KCNIP4: variants seen among roughly 807,000 people sequenced by gnomAD.
The protein encoded by KCNIP4 is Kv channel-interacting protein 4.
A neutral mutation model predicts 34.0 loss-of-function variants in KCNIP4; 12 were observed. That is an observed-to-expected ratio of 0.35 (90% CI 0.23 to 0.57). The LOEUF (loss-of-function observed/expected upper bound fraction) is 0.57, where lower values mean the gene tolerates loss of function less well. Among genes scored for constraint, KCNIP4 ranks in the 20% least tolerant of loss-of-function variants. The probability of loss-of-function intolerance (pLI) is 0.83; values close to 1 mark genes in which losing one functional copy is unlikely to be tolerated. For synonymous variants in KCNIP4, 124 were observed against 102.2 expected, an observed-to-expected ratio of 1.21 and a Z score of -1.29; for missense variants, 238 against 311.7, an observed-to-expected ratio of 0.76 and a Z score of 1.78.
intron 1 of KCNIP4, among the ~76,000 whole-genome samples, chr4:21,795,810 G>A (rs1179113996): frequency 6.6e-6 from 1 of 152,164 alleles, no homozygotes; most frequent in Non-Finnish European, 1.5e-5. Flanking sequence ...GCTCACGCCT[G>A]TAATCCCAGC....
intron 1 of KCNIP4, among the ~76,000 whole-genome samples, chr4:21,242,163 C>CAAAAAAAAAAAAAAAAAAAAAA (rs11436478): frequency 1.8e-5 from 1 of 55,778 alleles, no homozygotes; most frequent in Non-Finnish European, 3.8e-5. Flanking sequence ...AATTCTGTCT[C>CAAAAAAAAAAAAAAAAAAAAAA]AAAAAAAAAA....
chr4:21,511,506 T>G (rs533630191), intron 1 of KCNIP4, among the ~76,000 whole-genome samples: 1 of 152,310 alleles, frequency 6.6e-6, no homozygotes, highest in South Asian at 2.1e-4. Flanking sequence ...CAAAGAAAAT[T>G]GGAAAGATCT....
chr4:21,482,860 A>C (rs1731556961), intron 1 of KCNIP4, among the ~76,000 whole-genome samples: 2 of 152,004 alleles, frequency 1.3e-5, no homozygotes, highest in African/African-American at 4.8e-5. Flanking sequence ...TGTTGGCCTG[A>C]CTTGCTAGAT....
At chr4:20,742,041 G>A (rs1751246267) in intron 5 of KCNIP4, among the ~76,000 whole-genome samples, 2 of 152,114 alleles carry the variant, frequency 1.3e-5, no homozygotes, top group African/African-American at 2.4e-5. Context: ...TCCCTGAATA[G>A]ACCAATAACA....
chr4:20,839,684 A>G (rs1719494868), intron 3 of KCNIP4, among the ~76,000 whole-genome samples: 1 of 152,104 alleles, frequency 6.6e-6, no homozygotes, highest in Non-Finnish European at 1.5e-5. Context: ...AGCAATAACA[A>G]TAATAGCAGC....
In KCNIP4 at chr4:21,186,783, T is replaced by G. The variant is rs184720494; in HGVS notation, c.62-304074A>C. Among the ~76,000 whole-genome samples the G allele has an allele frequency of 4.6e-5, 7 of 152,312 alleles. No homozygotes were observed. In the East Asian group the frequency reaches 1.4e-3, roughly 29 times the overall value. The stretch of plus-strand genomic sequence containing the variant: ...CCTCAGTCTCCCAAGTAGCTGGGAC[T>G]ACAGGCATATGCCACCATGTCCAGT... On this transcript the variant is annotated intron_variant, in intron 1 of 8. Transcript: ENST00000382152.
chr4:21,274,643 CTAAATA>C (rs1297619238), intron 1 of KCNIP4, among the ~76,000 whole-genome samples: 1 of 152,140 alleles, frequency 6.6e-6, no homozygotes, highest in Non-Finnish European at 1.5e-5. Context: ...TTGCATTTCC[CTAAATA>C]CTGTGAATAA....
At chr4:21,370,383 C>T (rs1401093775) in intron 1 of KCNIP4, among the ~76,000 whole-genome samples, 5 of 146,670 alleles carry the variant, frequency 3.4e-5, no homozygotes, top group Admixed American at 6.6e-5. Context: ...AGGTGCATGG[C>T]TGTAAAACAT....
At chr4:21,234,246 A>C (rs868453937) in intron 1 of KCNIP4, among the ~76,000 whole-genome samples, 1 of 118,962 alleles carries the variant, frequency 8.4e-6, no homozygotes, top group Non-Finnish European at 1.6e-5. Flanking sequence ...TATATATAAC[A>C]TATATTATAT....
At chr4:21,741,259 G>T (rs563319528) in intron 1 of KCNIP4, among the ~76,000 whole-genome samples, 1 of 152,272 alleles carries the variant, frequency 6.6e-6, no homozygotes, top group African/African-American at 2.4e-5. Context: ...TAATATTCTA[G>T]GTTTCTATGA....
intron 5 of KCNIP4, among the ~76,000 whole-genome samples, chr4:20,735,001 G>T (rs576164380): frequency 6.6e-6 from 1 of 152,206 alleles, no homozygotes; most frequent in East Asian, 1.9e-4. Context: ...ACAGCTAGAG[G>T]CTTGAGTATA....
At chr4:21,357,782 C>A (rs537488515) in intron 1 of KCNIP4, among the ~76,000 whole-genome samples, 3 of 152,130 alleles carry the variant, frequency 2.0e-5, no homozygotes, top group Non-Finnish European at 4.4e-5. Context: ...GGATAAAGAA[C>A]TAGAAATACC....
intron 1 of KCNIP4, among the ~76,000 whole-genome samples, chr4:20,922,903 G>C (rs1729544927): frequency 6.6e-6 from 1 of 151,964 alleles, no homozygotes; most frequent in African/African-American, 2.4e-5. Flanking sequence ...CCCCTCCACT[G>C]TCTCTAAAAA....
chr4:20,939,044 C>A (rs948990760), intron 1 of KCNIP4, among the ~76,000 whole-genome samples: 1 of 152,170 alleles, frequency 6.6e-6, no homozygotes, highest in Admixed American at 6.5e-5. Flanking sequence ...TTCAGTGACT[C>A]ATTTTTCACA....
chr4:21,599,853 T>C (rs1203052537), intron 1 of KCNIP4, among the ~76,000 whole-genome samples: 2 of 152,030 alleles, frequency 1.3e-5, no homozygotes, highest in Admixed American at 6.6e-5. Context: ...CCTATAAATA[T>C]TGGAGGCAGG....
chr4:21,422,453 G>A (rs1459979781), intron 1 of KCNIP4, among the ~76,000 whole-genome samples: 3 of 151,920 alleles, frequency 2.0e-5, no homozygotes, highest in Non-Finnish European at 2.9e-5. Flanking sequence ...TGCCCTCTTC[G>A]CCTCCCAAAG....
At chr4:21,242,634 T>A (rs1364133011) in intron 1 of KCNIP4, among the ~76,000 whole-genome samples, 4 of 152,140 alleles carry the variant, frequency 2.6e-5, no homozygotes, top group Non-Finnish European at 5.9e-5. Context: ...AGGGGAAACT[T>A]ACCCCTTTTC....
intron 1 of KCNIP4, among the ~76,000 whole-genome samples, chr4:21,219,298 A>G (rs7672506): frequency 0.47 from 71,341 of 151,930 alleles, 18,067 homozygotes; most frequent in African/African-American, 0.67. Flanking sequence ...GTGCTCGTCA[A>G]AAAGCCTAAA....
chr4:21,026,050 A>C (rs896989432), intron 1 of KCNIP4, among the ~76,000 whole-genome samples: 3 of 152,270 alleles, frequency 2.0e-5, no homozygotes, highest in Admixed American at 2.0e-4. Flanking sequence ...AACAAGTTAC[A>C]ATCATGAAGA....
Sources: gnomAD v4.1 joint callset for allele counts (sites outside exome capture counted in the v4.1 genomes callset) on GRCh38, gnomAD v4.1.1 for gene constraint, MANE v1.5 for transcripts, NCBI Gene and HGNC (gene_info 2026-07-23, HGNC 2026-07-21) for gene names.